The following COL5A2 variants were observed in gnomAD, a reference collection of about 807,000 sequenced individuals.
The protein encoded by COL5A2 is collagen type V alpha 2 chain, also known as collagen alpha-2(V) chain.
A neutral mutation model predicts 208.2 loss-of-function variants in COL5A2; 23 were observed. The observed-to-expected ratio is 0.11, with a 90% CI of 0.08 to 0.16. The LOEUF (loss-of-function observed/expected upper bound fraction) is 0.16, where lower values mean the gene tolerates loss of function less well. Ranked by LOEUF, COL5A2 falls within the 10% of genes least tolerant of loss-of-function variation. The pLI is 1.00. For synonymous variants in COL5A2, 625 were observed against 628.5 expected, an observed-to-expected ratio of 0.99 and a Z score of 0.08; for missense variants, 1,590 against 1,956.4, an observed-to-expected ratio of 0.81 and a Z score of 3.53.
At chr2:189,277,866 G>C in the COL5A2 span, among the ~76,000 whole-genome samples, 412 of 152,134 alleles carry the variant, frequency 2.7e-3, 3 homozygotes, top group African/African-American at 9.4e-3. Flanking sequence ...ATTTGGGTTT[G>C]GAGTCAGGGA....
At chr2:189,191,167 C>CAAAAAA (rs1688921444) in intron 1 of COL5A2, among the ~76,000 whole-genome samples, 3 of 124,876 alleles carry the variant, frequency 2.4e-5, no homozygotes, top group Admixed American at 8.2e-5. Context: ...AACAAACAAA[C>CAAAAAA]AACAAAAAAC....
chr2:189,175,228 T>C (rs965158550), intron 1 of COL5A2, among the ~76,000 whole-genome samples: 3 of 152,112 alleles, frequency 2.0e-5, no homozygotes, highest in Admixed American at 6.5e-5. Flanking sequence ...TGTGTGACCA[T>C]ATGACTAAAT....
the COL5A2 span, among the ~76,000 whole-genome samples, chr2:189,428,957 G>T: frequency 6.6e-6 from 1 of 152,202 alleles, no homozygotes; most frequent in African/African-American, 2.4e-5. Context: ...TGCAGTGATT[G>T]TGGGAGTGGT....
At chr2:189,221,981 T>C (rs1289691468) in intron 1 of COL5A2, among the ~76,000 whole-genome samples, 1 of 152,100 alleles carries the variant, frequency 6.6e-6, no homozygotes, top group Non-Finnish European at 1.5e-5. Context: ...ATAAGACAGT[T>C]GTACCACACC....
intron 1 of COL5A2, among the ~76,000 whole-genome samples, chr2:189,201,615 T>G (rs1689068830): frequency 6.6e-6 from 1 of 151,900 alleles, no homozygotes; most frequent in Non-Finnish European, 1.5e-5. Flanking sequence ...GTTAGAGAAA[T>G]GTAAAAAAAC....
intron 1 of COL5A2, among the ~76,000 whole-genome samples, chr2:189,208,662 C>T (rs1450438195): frequency 2.0e-5 from 3 of 152,156 alleles, no homozygotes; most frequent in East Asian, 1.9e-4. Context: ...GGAATCTGAA[C>T]TTTATCCTAC....
intron 45 of COL5A2, 85 bp downstream of exon 45, chr2:189,048,124 G>T: frequency 3.2e-6 from 4 of 1,269,224 alleles, no homozygotes; most frequent in Non-Finnish European, 4.6e-6. Context: ...GGAACTATCA[G>T]GAAAAATGAC....
At chr2:189,378,446 C>T in the COL5A2 span, among the ~76,000 whole-genome samples, 2 of 152,050 alleles carry the variant, frequency 1.3e-5, no homozygotes, top group Non-Finnish European at 2.9e-5. Flanking sequence ...GAAAAGCGGC[C>T]GGGCGCGGTG....
intron 1 of COL5A2, among the ~76,000 whole-genome samples, chr2:189,133,756 G>A (rs1198014821): frequency 6.6e-6 from 1 of 152,054 alleles, no homozygotes; most frequent in Non-Finnish European, 1.5e-5. Flanking sequence ...AAGCTAGAGA[G>A]ACCACTTCAC....
chr2:189,227,731 A>G (rs966145006), upstream of COL5A2, among the ~76,000 whole-genome samples: 6 of 152,038 alleles, frequency 3.9e-5, no homozygotes, highest in African/African-American at 1.4e-4. Flanking sequence ...GACAGAAGTG[A>G]AGGAAGAAAT....
At chr2:189,138,487 C>A (rs577147940) in intron 1 of COL5A2, among the ~76,000 whole-genome samples, 1 of 152,026 alleles carries the variant, frequency 6.6e-6, no homozygotes, top group African/African-American at 2.4e-5. Context: ...TTTGTATATA[C>A]AACTATTAGT....
At chr2:189,145,652 T>G (rs567940362) in intron 1 of COL5A2, among the ~76,000 whole-genome samples, 1 of 152,186 alleles carries the variant, frequency 6.6e-6, no homozygotes, top group East Asian at 1.9e-4. Context: ...AAGATCTTAT[T>G]CAGAAGGATT....
chr2:189,097,472 C>T (rs1686943412), intron 5 of COL5A2, 142 bp from the exon 6 acceptor site: 4 of 870,348 alleles, frequency 4.6e-6, no homozygotes, highest in Admixed American at 2.0e-5. Flanking sequence ...AGAATAAAGC[C>T]ATGTGCATAT....
intron 1 of COL5A2, among the ~76,000 whole-genome samples, chr2:189,155,018 T>C (rs543664429): frequency 6.6e-6 from 1 of 152,264 alleles, no homozygotes; most frequent in East Asian, 1.9e-4. Flanking sequence ...CTCACTCTAA[T>C]GTGCAAGCTG....
the COL5A2 span, among the ~76,000 whole-genome samples, chr2:189,417,622 A>G: frequency 6.6e-6 from 1 of 152,118 alleles, no homozygotes; most frequent in East Asian, 1.9e-4. Context: ...ATTCAAGAAT[A>G]TAAAATGTTC....
intron 1 of COL5A2, among the ~76,000 whole-genome samples, chr2:189,225,054 G>C (rs1321689787): frequency 6.6e-6 from 1 of 152,092 alleles, no homozygotes; most frequent in Non-Finnish European, 1.5e-5. Context: ...AACTGGCAAG[G>C]AGTTAACACA....
At chr2:189,413,003 T>C in the COL5A2 span, among the ~76,000 whole-genome samples, 1 of 152,164 alleles carries the variant, frequency 6.6e-6, no homozygotes. Flanking sequence ...AGATAGATAG[T>C]ATGAAAGCAA....
chr2:189,208,769 T>C (rs955716953), intron 1 of COL5A2, among the ~76,000 whole-genome samples: 1 of 152,226 alleles, frequency 6.6e-6, no homozygotes, highest in African/African-American at 2.4e-5. Flanking sequence ...TTGATTCTCA[T>C]TTTGAATCCA....
chr2:189,323,524 A>G, the COL5A2 span, among the ~76,000 whole-genome samples: 2 of 152,132 alleles, frequency 1.3e-5, no homozygotes, highest in African/African-American at 4.8e-5. Context: ...TTATACACCA[A>G]TAACAGACAA....
Sources: allele counts gnomAD v4.1 joint callset (sites outside exome capture counted in the v4.1 genomes callset), GRCh38; gene constraint gnomAD v4.1.1; transcripts MANE v1.5; gene names NCBI Gene and HGNC (gene_info 2026-07-23, HGNC 2026-07-21).